CTNND2: variants seen among roughly 807,000 people sequenced by gnomAD.
CTNND2 encodes the protein catenin delta-2.
In CTNND2, 22 loss-of-function variants were observed where a neutral mutation model predicts 144.4. The observed-to-expected ratio is 0.15, with a 90% confidence interval of 0.11 to 0.22. CTNND2 has a LOEUF of 0.22. Ranked by LOEUF, CTNND2 falls within the 10% of genes least tolerant of loss-of-function variation. The pLI is 1.00. For missense variants in CTNND2, 1,353 were observed against 1,618.8 expected, an observed-to-expected ratio of 0.84 and a Z score of 2.82; for synonymous variants, 751 against 695.6, an observed-to-expected ratio of 1.08 and a Z score of -1.25.
At chr5:11,316,591 T>C (rs1443375058) in intron 9 of CTNND2, among the ~76,000 whole-genome samples, 1 of 151,686 alleles carries the variant, frequency 6.6e-6, no homozygotes, top group Non-Finnish European at 1.5e-5. Flanking sequence ...GCTGCACCCA[T>C]TAACTCGTCA....
chr5:11,791,513 C>T (rs1791136608), intron 1 of CTNND2, among the ~76,000 whole-genome samples: 1 of 152,138 alleles, frequency 6.6e-6, no homozygotes, highest in African/African-American at 2.4e-5. Flanking sequence ...ACGATGGCTA[C>T]TTATGTTGAA....
intron 9 of CTNND2, among the ~76,000 whole-genome samples, chr5:11,327,076 T>C (rs1752607621): frequency 6.6e-6 from 1 of 152,196 alleles, no homozygotes; most frequent in Admixed American, 6.5e-5. Flanking sequence ...GAAGTGCCTA[T>C]GTCCAGGGTC....
chr5:11,280,030 C>A (rs1746961283), intron 9 of CTNND2, among the ~76,000 whole-genome samples: 1 of 152,144 alleles, frequency 6.6e-6, no homozygotes, highest in South Asian at 2.1e-4. Context: ...GGCAGATACA[C>A]AAACTATATC....
At position 11,903,736 on chromosome 5, in the gene CTNND2, AC is replaced by A; in HGVS notation, c.37+80del. ...GCCTGCCGGCCGGGAGCCCAGGACC[AC>A]CCCCACCAGCGGCAAGAGGAGGAGG... On this transcript the variant is annotated intron_variant, in intron 1 of 21. Coordinates refer to ENST00000304623, the MANE Select transcript of CTNND2 (RefSeq NM_001332.4). The surrounding 1 kb of genome is among the most constrained non-coding windows in gnomAD (Gnocchi z 5.4). 7.2e-7 allele frequency: 1 copy of A among 1,382,710 alleles called. No homozygotes were observed. The highest frequency in any genetic ancestry group is 9.6e-7 in the Non-Finnish European group (1 of 1,044,834). 85.7% of individuals were successfully genotyped at this position (1,382,710 alleles called of 1,614,324 possible).
At chr5:11,217,617 G>A (rs1215130249) in intron 10 of CTNND2, among the ~76,000 whole-genome samples, 2 of 152,164 alleles carry the variant, frequency 1.3e-5, no homozygotes, top group Non-Finnish European at 2.9e-5. Context: ...TTTAATTAGA[G>A]AGTTTTCAAG....
chr5:11,497,807 T>C (rs1282443991), intron 3 of CTNND2, among the ~76,000 whole-genome samples: 1 of 152,158 alleles, frequency 6.6e-6, no homozygotes, highest in East Asian at 1.9e-4. Context: ...GTACTATCAT[T>C]TAGCAAATCT....
At chr5:11,105,107 C>T (rs138258039) in intron 14 of CTNND2, among the ~76,000 whole-genome samples, 3 of 152,350 alleles carry the variant, frequency 2.0e-5, no homozygotes, top group East Asian at 1.9e-4. Context: ...TTCCCAAAGT[C>T]ACTGTGATGG....
chr5:10,978,169 C>G (rs1234491675), intron 21 of CTNND2, among the ~76,000 whole-genome samples: 1 of 152,168 alleles, frequency 6.6e-6, no homozygotes, highest in Non-Finnish European at 1.5e-5. Flanking sequence ...CTGTTCCAGG[C>G]GCAAAGTTCT....
intron 1 of CTNND2, among the ~76,000 whole-genome samples, chr5:11,786,017 T>G (rs1581882066): frequency 2.0e-5 from 3 of 148,126 alleles, no homozygotes; most frequent in Admixed American, 2.0e-4. Context: ...CCCGCAGCAT[T>G]TCCTGGGTGC....
intron 9 of CTNND2, among the ~76,000 whole-genome samples, chr5:11,279,777 TG>T (rs1265983548): frequency 6.6e-6 from 1 of 151,926 alleles, no homozygotes; most frequent in African/African-American, 2.4e-5. Context: ...GAAGGTGAAG[TG>T]GGAGCAGACA....
chr5:11,611,487 T>C (rs1780320506), intron 2 of CTNND2, among the ~76,000 whole-genome samples: 1 of 151,986 alleles, frequency 6.6e-6, no homozygotes, highest in Non-Finnish European at 1.5e-5. Context: ...ATGACAAAGG[T>C]TTATCTTGGG....
At chr5:11,833,583 G>A (rs1192461413) in intron 1 of CTNND2, among the ~76,000 whole-genome samples, 1 of 152,082 alleles carries the variant, frequency 6.6e-6, no homozygotes, top group African/African-American at 2.4e-5. Flanking sequence ...CAGTGCAATG[G>A]CACGATCTCA....
chr5:11,501,390 G>A (rs1262517962), intron 3 of CTNND2, among the ~76,000 whole-genome samples: 2 of 151,842 alleles, frequency 1.3e-5, no homozygotes, highest in East Asian at 1.9e-4. Context: ...TGTACTCCTG[G>A]CAAGAGTTCC....
Position 11,191,755 on chromosome 5 carries a change from A to G in CTNND2, c.1975+7693T>C, listed in dbSNP as rs140224955. 4.8e-3 allele frequency among the ~76,000 whole-genome samples: 731 copies of G among 152,252 alleles called. 4 individuals carry two copies. Among genetic ancestry groups the G allele is most frequent in the Admixed American group, 0.011 (168 of 15,300 alleles). Reference sequence around the variant, plus strand: ...CTTCCCTAGGTCCTGGCCAGGAATAATCATGCAGAGTTCCGTGGCAAAGAG... The same window carrying G: ...CTTCCCTAGGTCCTGGCCAGGAATAGTCATGCAGAGTTCCGTGGCAAAGAG... On this transcript the variant is annotated intron_variant, in intron 11 of 21. Coordinates refer to ENST00000304623, the MANE Select transcript of CTNND2 (RefSeq NM_001332.4).
intron 15 of CTNND2, among the ~76,000 whole-genome samples, chr5:11,090,944 A>AT (rs2149652631): frequency 6.6e-6 from 1 of 151,176 alleles, no homozygotes; most frequent in East Asian, 1.9e-4. Flanking sequence ...TTTTCTTTTT[A>AT]TTGCTGACTT....
At chr5:11,229,855 A>G (rs929741908) in intron 10 of CTNND2, among the ~76,000 whole-genome samples, 6 of 152,008 alleles carry the variant, frequency 3.9e-5, no homozygotes, top group African/African-American at 1.4e-4. Flanking sequence ...AACTGTCTGT[A>G]TATGAAAGGG....
chr5:11,743,116 C>A (rs1415335308), intron 1 of CTNND2, among the ~76,000 whole-genome samples: 1 of 152,158 alleles, frequency 6.6e-6, no homozygotes, highest in African/African-American at 2.4e-5. Context: ...ACAATTAGGG[C>A]AGAAACTCAA....
intron 1 of CTNND2, among the ~76,000 whole-genome samples, chr5:11,871,196 C>T (rs1179679217): frequency 6.6e-6 from 1 of 152,200 alleles, no homozygotes; most frequent in Non-Finnish European, 1.5e-5. Context: ...AAGTAAATTT[C>T]TGCCATTTGT....
chr5:11,528,577 G>C (rs1248871609), intron 3 of CTNND2, among the ~76,000 whole-genome samples: 2 of 152,218 alleles, frequency 1.3e-5, no homozygotes, highest in Non-Finnish European at 2.9e-5. Flanking sequence ...GGGAGGTGCA[G>C]AGTCTGGGGC....
Sources: allele counts gnomAD v4.1 joint callset (sites outside exome capture counted in the v4.1 genomes callset), GRCh38; gene constraint gnomAD v4.1.1; non-coding constraint Gnocchi (gnomAD v3.1); transcripts MANE v1.5; gene names NCBI Gene and HGNC (gene_info 2026-07-23, HGNC 2026-07-21).